The following SPAG16 variants were observed in gnomAD, a reference collection of about 807,000 sequenced individuals.
SPAG16 encodes the protein sperm associated antigen 16, also known as sperm-associated antigen 16 protein.
Under a neutral mutation model 80.4 loss-of-function variants are expected in SPAG16, and 86 were observed. That is an observed-to-expected ratio of 1.07 (90% CI 0.90 to 1.28). The LOEUF (loss-of-function observed/expected upper bound fraction) is 1.28, where lower values mean the gene tolerates loss of function less well. Among genes scored for constraint, SPAG16 ranks in the 50% most tolerant of loss-of-function variants. The pLI is 0.00. For synonymous variants in SPAG16, 294 were observed against 265.9 expected (o/e 1.11, Z -1.03); for missense variants, 870 against 765.3 (o/e 1.14, Z -1.61).
intron 15 of SPAG16, among the ~76,000 whole-genome samples, chr2:214,187,675 T>C (rs75797179): frequency 6.9e-6 from 1 of 144,000 alleles, no homozygotes; most frequent in Admixed American, 6.8e-5. Flanking sequence ...TAAACAATAA[T>C]GTCTGCCATA....
chr2:213,897,202 A>T (rs1301082675), intron 11 of SPAG16, among the ~76,000 whole-genome samples: 2 of 152,166 alleles, frequency 1.3e-5, no homozygotes, highest in Non-Finnish European at 2.9e-5. Flanking sequence ...TACATATGTT[A>T]TGCATCAATA....
At chr2:214,032,575 T>C (rs1392272095) in intron 13 of SPAG16, among the ~76,000 whole-genome samples, 6 of 152,162 alleles carry the variant, frequency 3.9e-5, no homozygotes, top group Non-Finnish European at 5.9e-5. Flanking sequence ...TTCTGACATC[T>C]AGAATAAAGT....
At chr2:214,195,542 A>T (rs1309932735) in intron 15 of SPAG16, among the ~76,000 whole-genome samples, 4 of 152,014 alleles carry the variant, frequency 2.6e-5, no homozygotes, top group African/African-American at 9.7e-5. Context: ...ATATTAGAAC[A>T]AACTTTGCGC....
At chr2:213,614,216 G>C (rs950156775) in intron 10 of SPAG16, among the ~76,000 whole-genome samples, 5 of 152,190 alleles carry the variant, frequency 3.3e-5, no homozygotes, top group Admixed American at 3.3e-4. Context: ...AAAGTTCTCA[G>C]CATTCACTAG....
At chr2:213,414,884 G>A (rs899080648) in intron 9 of SPAG16, among the ~76,000 whole-genome samples, 2 of 152,226 alleles carry the variant, frequency 1.3e-5, no homozygotes, top group African/African-American at 2.4e-5. Context: ...TTGGTAGAAT[G>A]TGCTGTCTGT....
At chr2:214,346,799 CA>C (rs1698081196) in intron 15 of SPAG16, among the ~76,000 whole-genome samples, 1 of 152,154 alleles carries the variant, frequency 6.6e-6, no homozygotes, top group Non-Finnish European at 1.5e-5. Flanking sequence ...TCAGACATGT[CA>C]GTGAAGCTGT....
At chr2:214,317,819 A>C (rs1231070886) in intron 15 of SPAG16, among the ~76,000 whole-genome samples, 1 of 152,144 alleles carries the variant, frequency 6.6e-6, no homozygotes, top group Non-Finnish European at 1.5e-5. Flanking sequence ...CACCTTCCCC[A>C]GTATATTACA....
At chr2:213,673,078 A>C (rs999159340) in intron 10 of SPAG16, among the ~76,000 whole-genome samples, 3 of 152,040 alleles carry the variant, frequency 2.0e-5, no homozygotes, top group Admixed American at 1.3e-4. Flanking sequence ...TGGATATTCA[A>C]AAATTTTTAA....
intron 10 of SPAG16, among the ~76,000 whole-genome samples, chr2:213,837,361 C>T (rs1478209230): frequency 6.6e-6 from 1 of 152,170 alleles, no homozygotes; most frequent in Non-Finnish European, 1.5e-5. Context: ...TCATTTACAG[C>T]CTGACAACCT....
At chr2:214,352,171 C>T (rs1022006073) in intron 15 of SPAG16, among the ~76,000 whole-genome samples, 22 of 152,120 alleles carry the variant, frequency 1.4e-4, no homozygotes, top group Non-Finnish European at 2.6e-4. Flanking sequence ...CTCTTAATAC[C>T]ATCACATTGG....
intron 15 of SPAG16, among the ~76,000 whole-genome samples, chr2:214,388,976 C>G (rs1471129353): frequency 1.3e-5 from 2 of 152,162 alleles, no homozygotes; most frequent in African/African-American, 4.8e-5. Context: ...AGTGACCTAC[C>G]AATGGGGTGC....
chr2:213,682,631 G>A (rs1574794196), intron 10 of SPAG16, among the ~76,000 whole-genome samples: 1 of 152,138 alleles, frequency 6.6e-6, no homozygotes, highest in African/African-American at 2.4e-5. Flanking sequence ...TTATTGTGGG[G>A]TCGGCATGTC....
chr2:213,882,965 C>G (rs1047863062), intron 11 of SPAG16, among the ~76,000 whole-genome samples: 1 of 152,120 alleles, frequency 6.6e-6, no homozygotes, highest in Non-Finnish European at 1.5e-5. Context: ...CTCCGCCTCC[C>G]AGGCCATTCT....
chr2:213,332,250 C>T (rs901312830), intron 5 of SPAG16, among the ~76,000 whole-genome samples: 2 of 152,100 alleles, frequency 1.3e-5, no homozygotes, highest in African/African-American at 2.4e-5. Flanking sequence ...TCAGTAGCTA[C>T]TATGACCAAC....
At chr2:214,067,625 T>C (rs1298461899) in intron 13 of SPAG16, among the ~76,000 whole-genome samples, 1 of 151,930 alleles carries the variant, frequency 6.6e-6, no homozygotes, top group African/African-American at 2.4e-5. Flanking sequence ...GGTATGTGTA[T>C]GTCTTTCTGA....
At chr2:213,861,372 G>C (rs899653705) in intron 10 of SPAG16, among the ~76,000 whole-genome samples, 3 of 152,182 alleles carry the variant, frequency 2.0e-5, no homozygotes, top group African/African-American at 4.8e-5. Flanking sequence ...GTGTGGACTA[G>C]AGCCATGGTT....
At chr2:213,529,107 T>C (rs2075982242) in intron 10 of SPAG16, among the ~76,000 whole-genome samples, 1 of 152,220 alleles carries the variant, frequency 6.6e-6, no homozygotes, top group Non-Finnish European at 1.5e-5. Context: ...TTAATGAAAC[T>C]ATTCTCTACT....
intron 7 of SPAG16, among the ~76,000 whole-genome samples, chr2:213,363,239 C>A (rs1308796090): frequency 6.6e-6 from 1 of 152,018 alleles, no homozygotes. Flanking sequence ...AGCAACTCTC[C>A]TGTTAATCTT....
chr2:213,961,171 G>A (rs950427432), intron 12 of SPAG16, among the ~76,000 whole-genome samples: 2 of 152,124 alleles, frequency 1.3e-5, no homozygotes, highest in Non-Finnish European at 2.9e-5. Context: ...TTGTTGTTTA[G>A]GTGGGAAGAA....
Sources: gnomAD v4.1 joint callset for allele counts (sites outside exome capture counted in the v4.1 genomes callset) on GRCh38, gnomAD v4.1.1 for gene constraint, MANE v1.5 for transcripts, NCBI Gene and HGNC (gene_info 2026-07-23, HGNC 2026-07-21) for gene names.